Variants in GRIK4 observed in about 807,000 individuals in gnomAD.
The protein encoded by GRIK4 is glutamate ionotropic receptor kainate type subunit 4.
A neutral mutation model predicts 104.9 loss-of-function variants in GRIK4; 40 were observed. The ratio of observed to expected loss-of-function variants is 0.38; its 90% CI spans 0.30 to 0.50. GRIK4 has a LOEUF of 0.50. Ranked by LOEUF, GRIK4 falls within the 20% of genes least tolerant of loss-of-function variation. GRIK4 has a pLI of 0.93. For synonymous variants in GRIK4, 485 were observed against 524.9 expected (o/e 0.92, Z 1.04); for missense variants, 1,047 against 1,308.1 (o/e 0.80, Z 3.08).
intron 1 of GRIK4, among the ~76,000 whole-genome samples, chr11:120,599,984 T>C (rs974563156): frequency 6.6e-6 from 1 of 152,356 alleles, no homozygotes; most frequent in Admixed American, 6.5e-5. Flanking sequence ...CGCTTTCTCA[T>C]GCTGGCATGA....
In GRIK4 at chr11:120,535,171, G is replaced by T. The variant is rs1591679991; in HGVS notation, c.-159+23284G>T. Among the ~76,000 whole-genome samples the T allele has an allele frequency of 2.0e-5, 3 of 152,232 alleles. No individual in the cohort carries two copies. In the East Asian group the frequency reaches 5.8e-4, roughly 29 times the overall value. On this transcript the variant is annotated intron_variant, in intron 1 of 20. Transcript: ENST00000527524. Reference sequence around the variant, plus strand: ...AGAGGTGTGTACGGCCCACTCTTGTGAGCCTGTCTGAGCAGGCTCCAGCAC... The same window carrying T: ...AGAGGTGTGTACGGCCCACTCTTGTTAGCCTGTCTGAGCAGGCTCCAGCAC...
intron 11 of GRIK4, among the ~76,000 whole-genome samples, chr11:120,895,230 G>A (rs897183255): frequency 8.5e-5 from 13 of 152,096 alleles, no homozygotes; most frequent in African/African-American, 2.2e-4. Flanking sequence ...GAACAGTGGC[G>A]GTGGGAAAGT....
intron 8 of GRIK4, among the ~76,000 whole-genome samples, chr11:120,854,015 A>G (rs1174318152): frequency 5.3e-5 from 8 of 152,216 alleles, no homozygotes; most frequent in Non-Finnish European, 1.0e-4. Context: ...CTCTTCTACC[A>G]CATGTGAAAA....
At position 120,921,663 on chromosome 11, in the gene GRIK4, C is replaced by T. The variant is rs182341399; in HGVS notation, c.1476+16170C>T. On this transcript the variant is annotated intron_variant, in intron 13 of 20. Transcript: ENST00000527524. ...CCTCCAGCTCACACCACTGCATGCGCGGCCCCATCTCACTTCCCAGGGCAG... is the reference window on the plus strand; with the variant it reads ...CCTCCAGCTCACACCACTGCATGCGTGGCCCCATCTCACTTCCCAGGGCAG... Among the ~76,000 whole-genome samples the T allele has an allele frequency of 2.5e-3, 380 of 152,226 alleles. 2 individuals carry two copies. The highest frequency in any genetic ancestry group is 8.4e-3 in the African/African-American group (348 of 41,532).
At chr11:120,593,548 C>A (rs1007397559) in intron 1 of GRIK4, among the ~76,000 whole-genome samples, 1 of 152,074 alleles carries the variant, frequency 6.6e-6, no homozygotes, top group African/African-American at 2.4e-5. Flanking sequence ...TGTTGACTCC[C>A]CCTTTACTCC....
chr11:120,614,994 A>G (rs1222706118), intron 1 of GRIK4, among the ~76,000 whole-genome samples: 2 of 152,144 alleles, frequency 1.3e-5, no homozygotes, highest in Non-Finnish European at 2.9e-5. Flanking sequence ...GCAAGACTCA[A>G]TCTCAAAACA....
intron 1 of GRIK4, among the ~76,000 whole-genome samples, chr11:120,605,123 G>C (rs1948943156): frequency 6.6e-6 from 1 of 152,220 alleles, no homozygotes; most frequent in South Asian, 2.1e-4. Context: ...ACGTGAGCCA[G>C]TGCGCACAGC....
chr11:120,956,832 A>C lies in GRIK4; in HGVS notation c.1753A>C (p.Asn585His). 6.2e-7 allele frequency: 1 copy of C among 1,613,902 alleles called. No homozygotes were observed. The highest frequency in any genetic ancestry group is 8.5e-7 in the Non-Finnish European group (1 of 1,179,912). ...ACACCCATGTGCCCAGGGCCGGTGC[A>C]ACCTCCTGGTGAACCAGTACTCCCT... ...SPHPCAQGRCNLLVNQYSLGN... is the reference protein window; with the variant it reads ...SPHPCAQGRCHLLVNQYSLGN... Residue 585 changes from asparagine to histidine, a missense_variant, in exon 16 of 21, where the codon AAC becomes CAC. By Grantham distance (68) the Asn-to-His change is moderately conservative. This residue lies in a region of GRIK4 where 440 missense variants were observed against 652.3 expected (regional missense o/e 0.67). Transcript: ENST00000527524. The surrounding 1 kb of genome is among the most constrained non-coding windows in gnomAD (Gnocchi z 4.6).
intron 19 of GRIK4, among the ~76,000 whole-genome samples, chr11:120,978,114 A>G (rs1386947667): frequency 6.6e-6 from 1 of 152,198 alleles, no homozygotes; most frequent in Non-Finnish European, 1.5e-5. Flanking sequence ...CTTTCTGCTC[A>G]TTCTTTCCAC....
At chr11:120,656,055 G>A (rs1371277748) in intron 2 of GRIK4, among the ~76,000 whole-genome samples, 2 of 152,196 alleles carry the variant, frequency 1.3e-5, no homozygotes, top group Non-Finnish European at 2.9e-5. Flanking sequence ...CGTGGAAAGA[G>A]CAACCTGGTG....
chr11:120,753,311 G>GTGTGTGTGTGTA (rs1306948135), intron 3 of GRIK4, among the ~76,000 whole-genome samples: 6 of 107,028 alleles, frequency 5.6e-5, no homozygotes, highest in African/African-American at 2.1e-4. Context: ...GTGTGTGTGT[G>GTGTGTGTGTGTA]TGTGTGTGTG....
chr11:120,937,767 G>A (rs577999892), intron 13 of GRIK4, among the ~76,000 whole-genome samples: 1 of 152,316 alleles, frequency 6.6e-6, no homozygotes, highest in East Asian at 1.9e-4. Context: ...CCCTGGTAGT[G>A]AGCTGCTGCC....
At chr11:120,629,762 G>A (rs1949309925) in intron 1 of GRIK4, among the ~76,000 whole-genome samples, 2 of 152,348 alleles carry the variant, frequency 1.3e-5, no homozygotes, top group East Asian at 3.9e-4. Flanking sequence ...CCTTCCAGCG[G>A]CTCCCCATGC....
At chr11:120,918,590 G>A (rs573383502) in intron 13 of GRIK4, among the ~76,000 whole-genome samples, 154 of 152,206 alleles carry the variant, frequency 1.0e-3, no homozygotes, top group African/African-American at 3.5e-3. Flanking sequence ...TCTACTTGTC[G>A]ATTTTTTTCC....
intron 3 of GRIK4, among the ~76,000 whole-genome samples, chr11:120,759,528 A>G (rs1009778703): frequency 6.7e-6 from 1 of 150,288 alleles, no homozygotes; most frequent in African/African-American, 2.4e-5. Flanking sequence ...TTTTTTTTTC[A>G]AGTCTAACAT....
At chr11:120,862,391 A>G in intron 9 of GRIK4, 1 of 343,398 alleles carries the variant, frequency 2.9e-6, no homozygotes, top group Non-Finnish European at 5.3e-6. Flanking sequence ...GACTCTCAAT[A>G]ATACAATTGC....
intron 7 of GRIK4, among the ~76,000 whole-genome samples, chr11:120,834,230 A>G (rs1352168826): frequency 6.6e-6 from 1 of 151,586 alleles, no homozygotes; most frequent in Non-Finnish European, 1.5e-5. Flanking sequence ...CACCCTTGCC[A>G]ATACTGGGTA....
In GRIK4 at chr11:120,956,925, T is replaced by A. The variant is rs1169551592; in HGVS notation, c.1846T>A (p.Leu616Ile). 6.2e-7 allele frequency: 1 copy of A among 1,612,118 alleles called. No homozygotes were observed. Among genetic ancestry groups the A allele is most frequent in the East Asian group, 2.2e-5 (1 of 44,856 alleles). The change falls in exon 16 of 21, where the codon TTA (leucine) becomes ATA (isoleucine). Residue 616 changes from leucine to isoleucine, a missense_variant. Around this residue, in one of 3 missense-constraint regions of GRIK4, gnomAD observed 440 missense variants for 652.3 expected, o/e 0.67. Transcript: ENST00000527524. The surrounding 1 kb of genome is among the most constrained non-coding windows in gnomAD (Gnocchi z 4.6). ...AGGCTCCACCATCGCCCCTCGCGCC[T>A]TATCCACCCGCTGTGTCAGTGGCGT... is the stretch of plus-strand genomic sequence containing the variant. ...QQGSTIAPRA[L>I]STRCVSGVWW... is the part of the protein sequence containing the mutation.
chr11:120,604,769 G>A (rs1204953220), intron 1 of GRIK4, among the ~76,000 whole-genome samples: 1 of 152,202 alleles, frequency 6.6e-6, no homozygotes, highest in African/African-American at 2.4e-5. Flanking sequence ...CTTTGTCAGA[G>A]TCATCCAGAG....
Sources: gnomAD v4.1 joint callset for allele counts (sites outside exome capture counted in the v4.1 genomes callset) on GRCh38, gnomAD v4.1.1 for gene constraint, gnomAD v4.1.1 regional missense constraint, Gnocchi (gnomAD v3.1) non-coding constraint, MANE v1.5 for transcripts, NCBI Gene and HGNC (gene_info 2026-07-23, HGNC 2026-07-21) for gene names.